ARHGEF10: variants seen among roughly 807,000 people sequenced by gnomAD.
ARHGEF10 encodes the protein Rho guanine nucleotide exchange factor 10, also known as Rho guanine nucleotide exchange factor (GEF) 10.
ARHGEF10 carries 140 observed loss-of-function variants against 147.4 expected under a neutral mutation model. That is an observed-to-expected ratio of 0.95 (90% confidence interval 0.83 to 1.09). The LOEUF is 1.09. Among genes scored for constraint, ARHGEF10 ranks in the 50% least tolerant of loss-of-function variants. The pLI is 0.00. For synonymous variants in ARHGEF10, 902 were observed against 695.8 expected (o/e 1.30, Z -4.67); for missense variants, 2,222 against 1,752.7 (o/e 1.27, Z -4.78).
intron 23 of ARHGEF10, 176 bp downstream of exon 23, chr8:1,926,639 A>G (rs939000388): frequency 1.7e-4 from 117 of 695,028 alleles, no homozygotes; most frequent in Non-Finnish European, 2.6e-4. Flanking sequence ...TTTGGAAAAG[A>G]TTTACAGTTC....
intron 1 of ARHGEF10, among the ~76,000 whole-genome samples, chr8:1,835,055 G>A (rs565224824): frequency 2.0e-5 from 3 of 152,230 alleles, no homozygotes; most frequent in Non-Finnish European, 2.9e-5. Flanking sequence ...AGTGCTGGGC[G>A]CTGATGGCCC....
chr8:1,854,740 A>C (rs1805419858), intron 2 of ARHGEF10, among the ~76,000 whole-genome samples: 2 of 152,208 alleles, frequency 1.3e-5, no homozygotes, highest in Admixed American at 1.3e-4. Flanking sequence ...TTTGGCAAAA[A>C]ACAGTTTGAA....
chr8:1,866,169 C>G (rs1806594243), intron 5 of ARHGEF10, among the ~76,000 whole-genome samples: 1 of 152,118 alleles, frequency 6.6e-6, no homozygotes, highest in African/African-American at 2.4e-5. Flanking sequence ...ATCTCTCCCA[C>G]CCAGCGTTGT....
chr8:1,932,433 G>A (rs1294025748), intron 25 of ARHGEF10, among the ~76,000 whole-genome samples: 1 of 152,158 alleles, frequency 6.6e-6, no homozygotes, highest in Non-Finnish European at 1.5e-5. Flanking sequence ...CGTACTTGTG[G>A]GTGTGTGTGC....
chr8:1,849,101 C>T (rs1048668545), intron 2 of ARHGEF10, among the ~76,000 whole-genome samples: 6 of 152,230 alleles, frequency 3.9e-5, no homozygotes, highest in African/African-American at 1.2e-4. Flanking sequence ...CAGAGGGTAA[C>T]TAAATTTTAA....
At chr8:1,929,809 GC>G (rs1812977709) in intron 25 of ARHGEF10, among the ~76,000 whole-genome samples, 1 of 152,170 alleles carries the variant, frequency 6.6e-6, no homozygotes, top group Non-Finnish European at 1.5e-5. Flanking sequence ...ACCTGGGCCA[GC>G]CCTCTTTGCC....
chr8:1,841,592 C>CAGGGAGT (rs1804036589), intron 1 of ARHGEF10, among the ~76,000 whole-genome samples: 1 of 151,996 alleles, frequency 6.6e-6, no homozygotes, highest in Non-Finnish European at 1.5e-5. Flanking sequence ...TCCCTGGGGG[C>CAGGGAGT]AGGGAGTAGG....
rs144577402 is a variant in ARHGEF10, at chr8:1,838,043, T to C, written c.-47-5310T>C. On this transcript the variant is annotated intron_variant, in intron 1 of 28. Transcript: ENST00000349830. The stretch of plus-strand genomic sequence containing the variant: ...TGTCTCCTCCATAGAGTTCAGGGCG[T>C]TTATTCATTGTCTCCTCTTCGTATG... Among the ~76,000 whole-genome samples the C allele has an allele frequency of 3.5e-3, 540 of 152,252 alleles. 4 individuals are homozygous for C. Among genetic ancestry groups the C allele is most frequent in the Admixed American group, 0.011 (172 of 15,306 alleles).
chr8:1,847,465 ATAAG>A (rs1563169441), intron 2 of ARHGEF10, among the ~76,000 whole-genome samples: 1 of 152,246 alleles, frequency 6.6e-6, no homozygotes, highest in African/African-American at 2.4e-5. Context: ...GGCAAAAGAA[ATAAG>A]TACAATTGGC....
chr8:1,837,479 G>C (rs1407963816), intron 1 of ARHGEF10, among the ~76,000 whole-genome samples: 3 of 152,130 alleles, frequency 2.0e-5, no homozygotes, highest in Non-Finnish European at 2.9e-5. Flanking sequence ...ATGCATTTTT[G>C]TAGAGAAACA....
chr8:1,886,557 G>A (rs1808674043), intron 11 of ARHGEF10, among the ~76,000 whole-genome samples: 1 of 152,244 alleles, frequency 6.6e-6, no homozygotes, highest in African/African-American at 2.4e-5. Flanking sequence ...CATTTCAGTG[G>A]AATTGAACAG....
At chr8:1,863,209 G>A (rs970304822) in intron 4 of ARHGEF10, among the ~76,000 whole-genome samples, 7 of 152,152 alleles carry the variant, frequency 4.6e-5, no homozygotes, top group African/African-American at 1.4e-4. Flanking sequence ...AAGGTGGCCC[G>A]GAACACTGAA....
At chr8:1,913,029 G>T (rs1416728415) in intron 18 of ARHGEF10, among the ~76,000 whole-genome samples, 3 of 152,182 alleles carry the variant, frequency 2.0e-5, no homozygotes, top group Non-Finnish European at 4.4e-5. Flanking sequence ...TTGCCATTCT[G>T]TGGGGGGGTT....
rs1446121729 is a variant in ARHGEF10 at position 1,860,822 on chromosome 8, T to C, written c.481+638T>C. On this transcript the variant is annotated intron_variant, in intron 4 of 28. Coordinates refer to ENST00000349830, the MANE Select transcript of ARHGEF10 (RefSeq NM_014629.4). Reference sequence around the variant, plus strand: ...ATGTCCCGTGTCACCTGCTTGTCTATAGACTCAGACTCCCTGGGGTCAAAG... The same window carrying C: ...ATGTCCCGTGTCACCTGCTTGTCTACAGACTCAGACTCCCTGGGGTCAAAG... Among the ~76,000 whole-genome samples, 11 of 152,226 alleles carry C rather than the reference T, an allele frequency of 7.2e-5. No homozygotes were observed. In the South Asian group the frequency reaches 1.9e-3, roughly 26 times the overall value.
chr8:1,832,175 C>G (rs1287073534), intron 1 of ARHGEF10, among the ~76,000 whole-genome samples: 6 of 152,168 alleles, frequency 3.9e-5, no homozygotes, highest in African/African-American at 1.4e-4. Flanking sequence ...CCACGCTGCT[C>G]CAAGGGAGTC....
At position 1,858,130 on chromosome 8, in the gene ARHGEF10, G is replaced by T; in HGVS notation, c.193+15G>T. On this transcript the variant is annotated intron_variant, in intron 3 of 28. Transcript: ENST00000349830. ...TGCACCCACAGGTGAGTTTCCAGGA[G>T]GGTCCCCAGGTGAGTCCCCAGGTGG... is the stretch of plus-strand genomic sequence containing the variant. The T allele has an allele frequency of 1.2e-6, 2 of 1,607,886 alleles. 1 individual carries two copies. Among genetic ancestry groups the T allele is most frequent in the South Asian group, 2.2e-5 (2 of 90,642 alleles).
intron 1 of ARHGEF10, among the ~76,000 whole-genome samples, chr8:1,834,009 T>TC (rs1371578954): frequency 1.3e-5 from 2 of 152,094 alleles, no homozygotes; most frequent in Admixed American, 6.5e-5. Context: ...GCTCCAGCCC[T>TC]CCCGGGGAAG....
At chr8:1,931,420 C>G (rs1382747261) in intron 25 of ARHGEF10, among the ~76,000 whole-genome samples, 2 of 152,228 alleles carry the variant, frequency 1.3e-5, no homozygotes, top group African/African-American at 2.4e-5. Flanking sequence ...GGCTGCATTG[C>G]TGTCCTGTCC....
intron 1 of ARHGEF10, among the ~76,000 whole-genome samples, chr8:1,832,673 G>T: frequency 9.7e-6 from 1 of 102,946 alleles, no homozygotes; most frequent in Non-Finnish European, 2.0e-5. Flanking sequence ...GGCAGAGACA[G>T]AGGCAGAGAC....
Sources: gnomAD v4.1 joint callset for allele counts (sites outside exome capture counted in the v4.1 genomes callset) on GRCh38, gnomAD v4.1.1 for gene constraint, MANE v1.5 for transcripts, NCBI Gene and HGNC (gene_info 2026-07-23, HGNC 2026-07-21) for gene names.